Variants in ST6GALNAC3 observed in about 807,000 individuals in gnomAD.
The protein encoded by ST6GALNAC3 is alpha-N-acetylgalactosaminide alpha-2,6-sialyltransferase 3.
In ST6GALNAC3, 25 loss-of-function variants were observed where a neutral mutation model predicts 32.7. The observed-to-expected ratio is 0.76, with a 90% CI of 0.56 to 1.07. ST6GALNAC3 has a LOEUF of 1.07. ST6GALNAC3 is among the 50% of genes least tolerant of loss of function. ST6GALNAC3 has a pLI of 0.00. For missense variants in ST6GALNAC3, 355 were observed against 382.4 expected, an observed-to-expected ratio of 0.93 and a Z score of 0.60; for synonymous variants, 129 against 133.1, an observed-to-expected ratio of 0.97 and a Z score of 0.21.
At chr1:76,254,438 A>G (rs930969390) in intron 1 of ST6GALNAC3, among the ~76,000 whole-genome samples, 2 of 152,182 alleles carry the variant, frequency 1.3e-5, no homozygotes, top group East Asian at 1.9e-4. Flanking sequence ...GGAGAAAATG[A>G]CAATTACTCT....
At chr1:76,315,935 A>G (rs1197476081) in intron 2 of ST6GALNAC3, among the ~76,000 whole-genome samples, 4 of 152,162 alleles carry the variant, frequency 2.6e-5, no homozygotes, top group South Asian at 4.1e-4. Context: ...CACAGTCCAG[A>G]GTACCAGAAT....
chr1:76,630,207 ATC>A lies in ST6GALNAC3; in HGVS notation c.*1405_*1406del. 4.1e-6 allele frequency: 4 copies of A among 985,198 alleles called. No individual in the cohort carries two copies. The highest frequency in any genetic ancestry group is 4.8e-6 in the Non-Finnish European group (4 of 829,808). 61.0% of individuals were successfully genotyped at this position (985,198 alleles called of 1,614,324 possible). On this transcript the variant is annotated 3_prime_UTR_variant, in exon 5 of 5. Coordinates refer to ENST00000328299, the MANE Select transcript of ST6GALNAC3 (RefSeq NM_152996.4). ...ATTTATGTAAACTAGTAACCAGTTG[ATC>A]TCTGTGCCAAATACATTATATCAGG...
At chr1:76,161,569 A>T (rs571173089) in intron 1 of ST6GALNAC3, among the ~76,000 whole-genome samples, 7 of 152,296 alleles carry the variant, frequency 4.6e-5, no homozygotes, top group African/African-American at 1.7e-4. Flanking sequence ...TCACCCAAGG[A>T]TGCTTTACAT....
rs374344401 is a variant in ST6GALNAC3, at chr1:76,627,420, T to G, written c.624-32T>G. ...TGTGTGTGTGTTCTGTGTTTTGTTC[T>G]GTTTGTTATTGTTTGTTTTCATTTC... On this transcript the variant is annotated intron_variant, in intron 3 of 4. Coordinates refer to ENST00000328299, the MANE Select transcript of ST6GALNAC3 (RefSeq NM_152996.4). The G allele has an allele frequency of 2.2e-6, 3 of 1,394,050 alleles. No homozygotes were observed. The African/African-American group carries it at 4.3e-5, about 20-fold the overall frequency. 86.4% of individuals were successfully genotyped at this position (1,394,050 alleles called of 1,614,324 possible).
At chr1:76,412,547 T>C in intron 3 of ST6GALNAC3, 130 bp downstream of exon 3, 1 of 1,019,106 alleles carries the variant, frequency 9.8e-7, no homozygotes, top group Non-Finnish European at 1.4e-6. Flanking sequence ...TTGACTATTA[T>C]GATTACTTGA....
chr1:76,112,265 T>C (rs1268334528), intron 1 of ST6GALNAC3, among the ~76,000 whole-genome samples: 1 of 99,748 alleles, frequency 1.0e-5, no homozygotes, highest in African/African-American at 3.9e-5. Flanking sequence ...ACCTCCTTCC[T>C]GGACAGGGCG....
intron 3 of ST6GALNAC3, among the ~76,000 whole-genome samples, chr1:76,477,863 T>C (rs1401591457): frequency 2.0e-5 from 3 of 152,202 alleles, no homozygotes; most frequent in Non-Finnish European, 2.9e-5. Context: ...TTTTACTCCA[T>C]AACTTGCTCT....
intron 1 of ST6GALNAC3, among the ~76,000 whole-genome samples, chr1:76,105,392 C>G (rs954169260): frequency 2.0e-5 from 3 of 152,174 alleles, no homozygotes; most frequent in Non-Finnish European, 4.4e-5. Context: ...TTTCAGTGAG[C>G]TATTGTTAAA....
At chr1:76,579,717 C>T (rs563478896) in intron 3 of ST6GALNAC3, among the ~76,000 whole-genome samples, 1 of 152,012 alleles carries the variant, frequency 6.6e-6, no homozygotes, top group East Asian at 1.9e-4. Flanking sequence ...TGATTGCATC[C>T]CCACGATATA....
intron 1 of ST6GALNAC3, among the ~76,000 whole-genome samples, chr1:76,207,199 C>T (rs1186867117): frequency 6.6e-6 from 1 of 152,170 alleles, no homozygotes; most frequent in African/African-American, 2.4e-5. Flanking sequence ...CAAATTGGAG[C>T]CCAAATTGCC....
At chr1:76,515,410 G>A (rs1167810748) in intron 3 of ST6GALNAC3, among the ~76,000 whole-genome samples, 5 of 151,502 alleles carry the variant, frequency 3.3e-5, no homozygotes, top group African/African-American at 1.2e-4. Flanking sequence ...TTTAGTCTCT[G>A]TTTATTTCTG....
At chr1:76,244,929 C>CTTTGGT (rs1657173732) in intron 1 of ST6GALNAC3, among the ~76,000 whole-genome samples, 1 of 149,888 alleles carries the variant, frequency 6.7e-6, no homozygotes. Flanking sequence ...CTCTGCCAGA[C>CTTTGGT]ACAGGATGCT....
At chr1:76,549,661 T>A (rs1373910955) in intron 3 of ST6GALNAC3, among the ~76,000 whole-genome samples, 1 of 150,962 alleles carries the variant, frequency 6.6e-6, no homozygotes, top group Non-Finnish European at 1.5e-5. Context: ...CTTTTACATA[T>A]TTTTTTTTGT....
intron 2 of ST6GALNAC3, among the ~76,000 whole-genome samples, chr1:76,406,060 C>T (rs890517630): frequency 2.0e-5 from 3 of 151,958 alleles, no homozygotes; most frequent in African/African-American, 7.2e-5. Context: ...CTCTCAAATA[C>T]TCATGCTTAT....
intron 2 of ST6GALNAC3, among the ~76,000 whole-genome samples, chr1:76,388,326 G>A (rs1004720943): frequency 1.3e-5 from 2 of 152,132 alleles, no homozygotes; most frequent in African/African-American, 2.4e-5. Context: ...CCATTAGATA[G>A]CATTATCTCC....
chr1:76,229,191 T>C (rs1386970027), intron 1 of ST6GALNAC3, among the ~76,000 whole-genome samples: 1 of 152,168 alleles, frequency 6.6e-6, no homozygotes, highest in African/African-American at 2.4e-5. Flanking sequence ...TGAGTTAGAC[T>C]TGTAACAAGT....
chr1:76,242,374 C>A (rs1242954678), intron 1 of ST6GALNAC3, among the ~76,000 whole-genome samples: 2 of 151,900 alleles, frequency 1.3e-5, no homozygotes, highest in African/African-American at 4.8e-5. Flanking sequence ...ATGCTGAGTG[C>A]ATCACGTCTG....
intron 1 of ST6GALNAC3, among the ~76,000 whole-genome samples, chr1:76,208,049 C>CG (rs1553165404): frequency 1.4e-4 from 7 of 51,100 alleles, no homozygotes; most frequent in Non-Finnish European, 2.5e-4. Context: ...GTGCCCCCCC[C>CG]CCCAAAAAAT....
chr1:76,225,285 A>G (rs1413926176), intron 1 of ST6GALNAC3, among the ~76,000 whole-genome samples: 3 of 152,286 alleles, frequency 2.0e-5, no homozygotes, highest in Admixed American at 6.5e-5. Context: ...CCTAGTCCCC[A>G]TTTCTATATA....
Sources: allele counts gnomAD v4.1 joint callset (sites outside exome capture counted in the v4.1 genomes callset), GRCh38; gene constraint gnomAD v4.1.1; transcripts MANE v1.5; gene names NCBI Gene and HGNC (gene_info 2026-07-23, HGNC 2026-07-21).